KIF18A: variants seen among roughly 807,000 people sequenced by gnomAD.
KIF18A encodes the protein kinesin family member 18A, also known as kinesin-like protein KIF18A.
In KIF18A, 67 loss-of-function variants were observed where a neutral mutation model predicts 103.3. The ratio of observed to expected loss-of-function variants is 0.65; its 90% CI spans 0.53 to 0.79. KIF18A has a LOEUF of 0.79. Among genes scored for constraint, KIF18A ranks in the 30% least tolerant of loss-of-function variants. The pLI is 0.00. For missense variants in KIF18A, 1,032 were observed against 1,062.5 expected (o/e 0.97, Z 0.40); for synonymous variants, 367 against 355.5 (o/e 1.03, Z -0.36).
intron 1 of KIF18A, among the ~76,000 whole-genome samples, chr11:28,104,271 A>C (rs1416468869): frequency 6.6e-6 from 1 of 152,214 alleles, no homozygotes; most frequent in Non-Finnish European, 1.5e-5. Context: ...TCTCATCATA[A>C]GAATAAAATA....
chr11:28,100,906 G>C lies in KIF18A; in HGVS notation c.-46-2913C>G, dbSNP rs142715011. ...ACCTCACTTTTATGACCTTGGACAAGTTACTTAACCCCATGAGTCTCAGGT... is the reference window on the plus strand; with the variant it reads ...ACCTCACTTTTATGACCTTGGACAACTTACTTAACCCCATGAGTCTCAGGT... On this transcript the variant is annotated intron_variant, in intron 1 of 16. Coordinates refer to ENST00000263181, the MANE Select transcript of KIF18A (RefSeq NM_031217.4). Among the ~76,000 whole-genome samples the C allele has an allele frequency of 4.3e-3, 661 of 152,206 alleles. 8 individuals carry two copies. The highest frequency in any genetic ancestry group is 0.014 in the African/African-American group (591 of 41,528).
chr11:28,047,479 G>A (rs1227005173), intron 13 of KIF18A, among the ~76,000 whole-genome samples: 1 of 152,106 alleles, frequency 6.6e-6, no homozygotes, highest in Non-Finnish European at 1.5e-5. Flanking sequence ...CACCAGGAAA[G>A]TTACAATGGG....
At chr11:28,096,271 A>G (rs190786783) in intron 2 of KIF18A, among the ~76,000 whole-genome samples, 105 of 152,050 alleles carry the variant, frequency 6.9e-4, no homozygotes, top group African/African-American at 2.3e-3. Context: ...AGTTAAGGCA[A>G]TAACTTCTCA....
chr11:28,022,431 AT>A lies in KIF18A; in HGVS notation c.2615-1150del, dbSNP rs543851348. ...AGCCGCCTGCCACCATGCCCGGCTAATTTTTTAAAATTTTTTTGGTAGAGAC... is the reference window on the plus strand; with the variant it reads ...AGCCGCCTGCCACCATGCCCGGCTAATTTTTAAAATTTTTTTGGTAGAGAC... On this transcript the variant is annotated intron_variant, in intron 16 of 16. Coordinates refer to ENST00000263181, the MANE Select transcript of KIF18A (RefSeq NM_031217.4). Among the ~76,000 whole-genome samples, 335 of 152,030 alleles carry A rather than the reference AT, an allele frequency of 2.2e-3. 3 individuals are homozygous for A. Among genetic ancestry groups the A allele is most frequent in the Non-Finnish European group, 1.5e-3 (103 of 67,972 alleles).
chr11:28,051,279 T>G (rs1277974193), intron 13 of KIF18A, among the ~76,000 whole-genome samples: 4 of 151,614 alleles, frequency 2.6e-5, no homozygotes, highest in Admixed American at 1.3e-4. Context: ...GCATACTATA[T>G]AAAAAAAACT....
At chr11:28,090,473 A>C (rs1258542034) in intron 5 of KIF18A, 144 bp downstream of exon 5, 1 of 472,772 alleles carries the variant, frequency 2.1e-6, no homozygotes, top group Non-Finnish European at 3.7e-6. Context: ...TGGTGACAGA[A>C]ACTTTTCAAA....
intron 13 of KIF18A, among the ~76,000 whole-genome samples, chr11:28,045,674 G>A (rs568815678): frequency 2.0e-5 from 3 of 152,042 alleles, no homozygotes; most frequent in South Asian, 2.1e-4. Context: ...ATAAGGTGGC[G>A]GTGTTGTAAG....
At chr11:28,066,782 AATTATATTATATTAT>A (rs11273276) in intron 11 of KIF18A, among the ~76,000 whole-genome samples, 3,510 of 142,428 alleles carry the variant, frequency 0.025, 113 homozygotes, top group African/African-American at 0.069. Flanking sequence ...CTGGAAGAGA[AATTATATTATATTAT>A]ATTATATTAT....
At chr11:28,081,318 A>C (rs1851162599) in intron 9 of KIF18A, among the ~76,000 whole-genome samples, 1 of 152,178 alleles carries the variant, frequency 6.6e-6, no homozygotes, top group Non-Finnish European at 1.5e-5. Flanking sequence ...TCATATCTAG[A>C]GAGAAGTAAA....
Position 28,094,718 on chromosome 11 carries a change from T to C in KIF18A, c.408A>G (p.Thr136=). ...CCATGCATTTGTAAAGGTGTAACAT[T>C]GTTAGATACATCACTCCAGGTTCAT... is the stretch of plus-strand genomic sequence containing the variant. The part of the protein sequence containing the change: ...SADEPGVMYL[T]MLHLYKCMDE... Residue 136 remains threonine (T), a synonymous_variant, in exon 3 of 17, where the codon ACA becomes ACG. Transcript: ENST00000263181. 6.2e-7 allele frequency: 1 copy of C among 1,613,132 alleles called. No homozygotes were observed. Among genetic ancestry groups the C allele is most frequent in the Non-Finnish European group, 8.5e-7 (1 of 1,179,088 alleles).
chr11:28,084,660 G>A lies in KIF18A; in HGVS notation c.1046C>T (p.Ala349Val). Reference protein sequence around the residue: ...YDDTYNTLKYANRAKDIKSSL... With the variant: ...YDDTYNTLKYVNRAKDIKSSL... ...AGATTTAATGTCCTTTGCCCGGTTAGCATACTTAAGAGTGTTATATGTGTC... is the reference window on the plus strand; with the variant it reads ...AGATTTAATGTCCTTTGCCCGGTTAACATACTTAAGAGTGTTATATGTGTC... The change falls in exon 7 of 17, where the codon GCT becomes GTT. Residue 349 changes from alanine to valine, a missense_variant. Coordinates refer to ENST00000263181, the MANE Select transcript of KIF18A (RefSeq NM_031217.4). 6.2e-7 allele frequency: 1 copy of A among 1,611,770 alleles called. No homozygotes were observed. The highest frequency in any genetic ancestry group is 8.5e-7 in the Non-Finnish European group (1 of 1,178,356).
At chr11:28,106,585 G>C (rs1295823732) in intron 1 of KIF18A, among the ~76,000 whole-genome samples, 2 of 148,366 alleles carry the variant, frequency 1.3e-5, no homozygotes, top group African/African-American at 2.5e-5. Flanking sequence ...CATTTTTATC[G>C]TGTCTCTTAA....
chr11:28,036,205 A>T lies in KIF18A; in HGVS notation c.2396+12T>A. On this transcript the variant is annotated intron_variant, in intron 14 of 16. Transcript: ENST00000263181. ...TAAAAAAAAAGAATTGGCAAATATTATTTTTTTGTACCGTTGTAAAATGTC... is the reference window on the plus strand; with the variant it reads ...TAAAAAAAAAGAATTGGCAAATATTTTTTTTTTGTACCGTTGTAAAATGTC... 1 of 1,514,338 alleles carries T rather than the reference A, an allele frequency of 6.6e-7. No individual in the cohort carries two copies. The highest frequency in any genetic ancestry group is 8.9e-7 in the Non-Finnish European group (1 of 1,123,278). 93.8% of individuals were successfully genotyped at this position (1,514,338 alleles called of 1,614,324 possible).
At chr11:28,042,453 C>A (rs139857536) in intron 13 of KIF18A, among the ~76,000 whole-genome samples, 14 of 151,954 alleles carry the variant, frequency 9.2e-5, no homozygotes, top group Admixed American at 3.3e-4. Context: ...TCTAATTGCT[C>A]CTCTTATAAT....
chr11:28,080,070 G>A (rs1590701014), intron 9 of KIF18A, among the ~76,000 whole-genome samples: 1 of 151,984 alleles, frequency 6.6e-6, no homozygotes, highest in East Asian at 1.9e-4. Flanking sequence ...ATAAAATGAA[G>A]AATAGAGTAG....
intron 9 of KIF18A, among the ~76,000 whole-genome samples, chr11:28,079,349 T>G (rs1281137210): frequency 9.2e-6 from 1 of 108,608 alleles, no homozygotes; most frequent in African/African-American, 3.4e-5. Flanking sequence ...TAACAACAAC[T>G]AATAATACTA....
At chr11:28,082,718 A>ATGTG (rs1410245245) in intron 9 of KIF18A, 138 bp downstream of exon 9, 2 of 534,150 alleles carry the variant, frequency 3.7e-6, no homozygotes, top group African/African-American at 3.8e-5. Flanking sequence ...GTATGTATGT[A>ATGTG]TGTGTGTATA....
chr11:28,061,860 C>T (rs1447381349), intron 12 of KIF18A, among the ~76,000 whole-genome samples: 1 of 151,998 alleles, frequency 6.6e-6, no homozygotes, highest in Non-Finnish European at 1.5e-5. Context: ...TTAAGCCATA[C>T]TTTTTATTAT....
chr11:28,064,678 G>C (rs1850894913), intron 11 of KIF18A, among the ~76,000 whole-genome samples: 1 of 151,956 alleles, frequency 6.6e-6, no homozygotes, highest in African/African-American at 2.4e-5. Flanking sequence ...CTTTTAAAGA[G>C]ACAAGACTTG....
Sources: allele counts gnomAD v4.1 joint callset (sites outside exome capture counted in the v4.1 genomes callset), GRCh38; gene constraint gnomAD v4.1.1; transcripts MANE v1.5; gene names NCBI Gene and HGNC (gene_info 2026-07-23, HGNC 2026-07-21).